The following CNTLN variants were observed in gnomAD, a reference collection of about 807,000 sequenced individuals.
CNTLN encodes centlein.
Under a neutral mutation model 180.0 loss-of-function variants are expected in CNTLN, and 212 were observed. That is an observed-to-expected ratio of 1.18 (90% CI 1.05 to 1.32). The LOEUF is 1.32. Ranked by LOEUF, CNTLN falls within the 40% of genes most tolerant of loss-of-function variation. The pLI is 0.00. For synonymous variants in CNTLN, 722 were observed against 563.1 expected (o/e 1.28, Z -3.99); for missense variants, 2,095 against 1,610.9 (o/e 1.30, Z -5.14).
At chr9:17,316,663 A>G (rs1471401064) in intron 8 of CNTLN, among the ~76,000 whole-genome samples, 1 of 152,088 alleles carries the variant, frequency 6.6e-6, no homozygotes, top group East Asian at 1.9e-4. Context: ...GTAAGGTAAG[A>G]TATAAATCTG....
At chr9:17,207,381 G>C (rs1822997969) in intron 2 of CNTLN, among the ~76,000 whole-genome samples, 1 of 152,074 alleles carries the variant, frequency 6.6e-6, no homozygotes, top group Non-Finnish European at 1.5e-5. Flanking sequence ...GTCTCACTGG[G>C]GTTGCAGGTG....
intron 23 of CNTLN, among the ~76,000 whole-genome samples, chr9:17,468,718 T>C (rs576110847): frequency 1.7e-4 from 26 of 151,826 alleles, no homozygotes; most frequent in African/African-American, 5.8e-4. Context: ...ACTTCCATGA[T>C]AAGGTAATGG....
At chr9:17,427,283 CTTTTT>C (rs34174830) in intron 18 of CNTLN, among the ~76,000 whole-genome samples, 1 of 135,856 alleles carries the variant, frequency 7.4e-6, no homozygotes. Context: ...GTTGCTGCTT[CTTTTT>C]TTTTTTTTTT....
rs190994936 is a variant in CNTLN at position 17,400,008 on chromosome 9, T to G, written c.2615+4939T>G. Reference sequence around the variant, plus strand: ...TTTCCTTATGAAGGCTCCCTTATCATGTAAAACTTATATTAAATAGATTTG... The same window carrying G: ...TTTCCTTATGAAGGCTCCCTTATCAGGTAAAACTTATATTAAATAGATTTG... On this transcript the variant is annotated intron_variant, in intron 15 of 25. Transcript: ENST00000380647. Among the ~76,000 whole-genome samples the G allele has an allele frequency of 6.6e-5, 10 of 152,360 alleles. No homozygotes were observed. In the East Asian group the frequency reaches 1.9e-3, roughly 29 times the overall value.
rs10117134 is a variant in CNTLN, at chr9:17,456,800, C to A, written c.3115-724C>A. 8.1e-3 allele frequency among the ~76,000 whole-genome samples: 1,227 copies of A among 152,162 alleles called. 13 individuals carry two copies. Among genetic ancestry groups the A allele is most frequent in the African/African-American group, 0.028 (1,143 of 41,540 alleles). On this transcript the variant is annotated intron_variant, in intron 18 of 25. Transcript: ENST00000380647. The stretch of plus-strand genomic sequence containing the variant: ...CATTATAGTTTGGTGACATTCTGCT[C>A]ACTATAGATGGGTGAATGAGAAAGG...
At chr9:17,488,635 A>G (rs1832999940) in intron 25 of CNTLN, among the ~76,000 whole-genome samples, 1 of 152,094 alleles carries the variant, frequency 6.6e-6, no homozygotes, top group Admixed American at 6.6e-5. Context: ...GTGGAGAGGT[A>G]TATACATACA....
chr9:17,211,976 A>G (rs111448553), intron 2 of CNTLN, among the ~76,000 whole-genome samples: 4 of 152,058 alleles, frequency 2.6e-5, no homozygotes, highest in African/African-American at 4.8e-5. Context: ...GGGTTTTCTA[A>G]ATATACAGTC....
At position 17,255,706 on chromosome 9, in the gene CNTLN, T is replaced by C. The variant is rs181874413; in HGVS notation, c.850-18027T>C. Among the ~76,000 whole-genome samples, 13 of 151,892 alleles carry C rather than the reference T, an allele frequency of 8.6e-5. No individual in the cohort carries two copies. In the East Asian group the frequency reaches 2.5e-3, roughly 29 times the overall value. On this transcript the variant is annotated intron_variant, in intron 5 of 25. Transcript: ENST00000380647. Reference sequence around the variant, plus strand: ...GGAGCTTGAAAATACTCTCCGTACTTCAGTTATTGGTAGAGTTTGAGGAGG... The same window carrying C: ...GGAGCTTGAAAATACTCTCCGTACTCCAGTTATTGGTAGAGTTTGAGGAGG...
In CNTLN at chr9:17,332,851, A is replaced by G. The variant is rs372398677; in HGVS notation, c.1644+121A>G. 5 of 590,696 alleles carry G rather than the reference A, an allele frequency of 8.5e-6. No homozygotes were observed. In the East Asian group the frequency reaches 1.1e-4, roughly 13 times the overall value. The allele number at this position is 590,696 out of a possible 1,614,324, so 36.6% of individuals were successfully genotyped here. A position where few individuals can be genotyped will look rare whatever the true frequency, so the allele number is the denominator to read the frequency against. ...TTTCCTGAATTTAATTGCCTGTATA[A>G]AAGTGTATAATCAGTTCATCTTGTT... On this transcript the variant is annotated intron_variant, in intron 10 of 25. Transcript: ENST00000380647.
chr9:17,474,588 G>T (rs1588075717), intron 23 of CNTLN, among the ~76,000 whole-genome samples: 1 of 152,128 alleles, frequency 6.6e-6, no homozygotes, highest in African/African-American at 2.4e-5. Context: ...GGAAAACATG[G>T]GCAGGCATAG....
chr9:17,467,025 A>C, intron 23 of CNTLN, 134 bp downstream of exon 23: 1 of 512,490 alleles, frequency 2.0e-6, no homozygotes, highest in Non-Finnish European at 3.4e-6. Context: ...TACCCTATTT[A>C]TCACATTGCT....
chr9:17,478,764 A>T (rs1302198709), intron 23 of CNTLN, among the ~76,000 whole-genome samples: 1 of 152,102 alleles, frequency 6.6e-6, no homozygotes. Flanking sequence ...TCACCGTTAT[A>T]TATCACCCTG....
chr9:17,441,151 C>G (rs1489228832), intron 18 of CNTLN, among the ~76,000 whole-genome samples: 1 of 152,044 alleles, frequency 6.6e-6, no homozygotes, highest in African/African-American at 2.4e-5. Flanking sequence ...AGAGACTTTC[C>G]CAGACAAACA....
intron 2 of CNTLN, among the ~76,000 whole-genome samples, chr9:17,153,560 A>C (rs1385340754): frequency 6.6e-6 from 1 of 152,098 alleles, no homozygotes; most frequent in Non-Finnish European, 1.5e-5. Flanking sequence ...TTTGCGGGTA[A>C]CCCAATCTTT....
chr9:17,480,730 C>G (rs1023571598), intron 23 of CNTLN, among the ~76,000 whole-genome samples: 2 of 152,248 alleles, frequency 1.3e-5, no homozygotes, highest in African/African-American at 4.8e-5. Context: ...TATCTATCCA[C>G]TTAAAAATTG....
chr9:17,148,979 TC>T (rs1818648643), intron 2 of CNTLN, among the ~76,000 whole-genome samples: 1 of 152,014 alleles, frequency 6.6e-6, no homozygotes, highest in African/African-American at 2.4e-5. Context: ...AGCCCCCACC[TC>T]CGACAGGACC....
chr9:17,483,652 T>C (rs1188600209), intron 23 of CNTLN, among the ~76,000 whole-genome samples: 1 of 152,216 alleles, frequency 6.6e-6, no homozygotes, highest in African/African-American at 2.4e-5. Context: ...AGGTGTGGTA[T>C]GGGCTAGCTT....
At chr9:17,430,627 C>T (rs1481614779) in intron 18 of CNTLN, among the ~76,000 whole-genome samples, 12 of 151,980 alleles carry the variant, frequency 7.9e-5, no homozygotes, top group Non-Finnish European at 1.8e-4. Context: ...CCCTACTGTA[C>T]TACTGAACAC....
At chr9:17,302,637 T>C (rs757541241) in intron 7 of CNTLN, among the ~76,000 whole-genome samples, 4 of 152,210 alleles carry the variant, frequency 2.6e-5, no homozygotes, top group Non-Finnish European at 4.4e-5. Context: ...ACTTGAGACA[T>C]TGCATGCTAT....
Sources: allele counts gnomAD v4.1 joint callset (sites outside exome capture counted in the v4.1 genomes callset), GRCh38; gene constraint gnomAD v4.1.1; transcripts MANE v1.5; gene names NCBI Gene and HGNC (gene_info 2026-07-23, HGNC 2026-07-21).